The following MOSPD2 variants were observed in gnomAD, a reference collection of about 807,000 sequenced individuals.
The protein encoded by MOSPD2 is motile sperm domain containing 2.
In MOSPD2, 5 loss-of-function variants were observed where a neutral mutation model predicts 41.7. The ratio of observed to expected loss-of-function variants is 0.12; its 90% confidence interval spans 0.06 to 0.25. The LOEUF is 0.25. MOSPD2 is among the 10% of genes least tolerant of loss of function. MOSPD2 has a pLI of 1.00. For missense variants in MOSPD2, 282 were observed against 375.2 expected (o/e 0.75, Z 2.05); for synonymous variants, 115 against 126.9 (o/e 0.91, Z 0.63).
At chrX:14,885,421 A>G (rs1452289468) in intron 2 of MOSPD2, 2 of 112,239 alleles carry the variant, frequency 1.8e-5, no homozygotes, top group African/African-American at 6.5e-5. Flanking sequence ...CCGTGGGTTA[A>G]AGAGGACATC....
chrX:14,910,002 T>A (rs1182513336), intron 8 of MOSPD2, among the ~76,000 whole-genome samples: 1 of 111,006 alleles, frequency 9.0e-6, no homozygotes. Context: ...ATAATTAATA[T>A]AATTCATAAC....
At chrX:14,901,147 G>A (rs1040446337) in intron 6 of MOSPD2, among the ~76,000 whole-genome samples, 3 of 111,553 alleles carry the variant, frequency 2.7e-5, no homozygotes, top group African/African-American at 9.8e-5. Context: ...ATTTGAATCT[G>A]GCATTTGGAG....
In MOSPD2 at chrX:14,873,452, C is replaced by T; in HGVS notation, c.-77C>T. 8.4e-7 allele frequency: 1 copy of T among 1,196,497 alleles called. No individual in the cohort carries two copies. The highest frequency in any genetic ancestry group is 1.1e-6 in the Non-Finnish European group (1 of 881,965). On this transcript the variant is annotated 5_prime_UTR_variant, in exon 1 of 15. Transcript: ENST00000380492. ...CTCTGTCTACCTCTGGGCGGGACTG[C>T]CGGGTGATGAGATACTCGGTCGGCG...
chrX:14,873,614 G>C, intron 1 of MOSPD2, 75 bp from the exon 2 acceptor site: 1 of 1,203,662 alleles, frequency 8.3e-7, no homozygotes, highest in Non-Finnish European at 1.1e-6. Flanking sequence ...GAGCGCCCGT[G>C]TGCAGGTGGG....
At chrX:14,874,763 C>T (rs1452935202) in intron 2 of MOSPD2, among the ~76,000 whole-genome samples, 2 of 111,253 alleles carry the variant, frequency 1.8e-5, no homozygotes, top group African/African-American at 6.6e-5. Flanking sequence ...ATATGGAAAT[C>T]GGTTTCAAAT....
intron 3 of MOSPD2, among the ~76,000 whole-genome samples, chrX:14,893,513 A>C (rs1675786381): frequency 8.9e-6 from 1 of 111,862 alleles, no homozygotes; most frequent in Admixed American, 9.5e-5. Context: ...AATGGTCTTC[A>C]AGTATATGAA....
rs1176749718 is a variant in MOSPD2 at position 14,914,085 on chromosome X, C to T, written c.993-418C>T. ...ATCATCTTTCTTTTTAAGTTATGCT[C>T]TTTTCTGTTGGTGTATAGAAATATG... On this transcript the variant is annotated intron_variant, in intron 10 of 14. Transcript: ENST00000380492. 2.7e-5 allele frequency among the ~76,000 whole-genome samples: 3 copies of T among 111,882 alleles called. No homozygotes were observed. In the Admixed American group the frequency reaches 2.9e-4, roughly 11 times the overall value.
chrX:14,874,145 T>A (rs2092514436), intron 2 of MOSPD2: 1 of 191,203 alleles, frequency 5.2e-6, no homozygotes, highest in Non-Finnish European at 9.7e-6. Context: ...ATAATACTAT[T>A]GATGTGTACT....
intron 2 of MOSPD2, among the ~76,000 whole-genome samples, chrX:14,890,054 T>C (rs1373304253): frequency 8.9e-6 from 1 of 112,044 alleles, no homozygotes; most frequent in Non-Finnish European, 1.9e-5. Context: ...TTCATAATAA[T>C]GCTAAGATAT....
intron 6 of MOSPD2, among the ~76,000 whole-genome samples, chrX:14,902,617 C>G (rs5934198): frequency 0.2 from 22,675 of 111,036 alleles, 2,095 homozygotes; most frequent in Non-Finnish European, 0.29. Flanking sequence ...ATGCCACATC[C>G]AAAAACTCCA....
chrX:14,889,679 G>C (rs2092550080), intron 2 of MOSPD2, among the ~76,000 whole-genome samples: 1 of 110,568 alleles, frequency 9.0e-6, no homozygotes, highest in Middle Eastern at 4.6e-3. Flanking sequence ...ATTTCTATTT[G>C]TCTAGGGGTA....
chrX:14,891,301 A>G (rs550570860), intron 2 of MOSPD2, among the ~76,000 whole-genome samples: 4 of 111,941 alleles, frequency 3.6e-5, no homozygotes, highest in African/African-American at 9.7e-5. Context: ...TTACAGAATA[A>G]TAAAGCAGGG....
intron 7 of MOSPD2, among the ~76,000 whole-genome samples, chrX:14,905,143 C>T (rs1399138281): frequency 9.0e-6 from 1 of 111,415 alleles, no homozygotes; most frequent in African/African-American, 3.3e-5. Flanking sequence ...CTATGAAAAC[C>T]CACAGCTAAC....
rs763005430 is a variant in MOSPD2, at chrX:14,918,800, C to T, written c.1419+18C>T. 4.8e-5 allele frequency: 49 copies of T among 1,023,925 alleles called. No homozygotes were observed. In the South Asian group the frequency reaches 8.8e-4, roughly 18 times the overall value. The allele number at this position is 1,023,925 out of a possible 1,213,427, so 84.4% of individuals were successfully genotyped here. A position where few individuals can be genotyped will look rare whatever the true frequency, so the allele number is the denominator to read the frequency against. On this transcript the variant is annotated intron_variant, in intron 14 of 14. Transcript: ENST00000380492. ...GTCTACAAGTAAGTATACTTTCTTC[C>T]TACCCAAACAAAGTTGTTAATGCTG... is the stretch of plus-strand genomic sequence containing the variant.
Position 14,902,966 on chromosome X carries a change from C to A in MOSPD2, c.539C>A (p.Ser180Ter). The change falls in exon 7 of 15, where the codon TCA (serine) becomes TAA (stop). Residue 180 changes from serine to a stop codon, truncating the protein, a stop_gained and splice_region_variant. Coordinates refer to ENST00000380492, the MANE Select transcript of MOSPD2 (RefSeq NM_152581.4). LOFTEE classifies it high-confidence loss of function. ...CAATGAATTTTTTTTCATCTTTCAG[C>A]AAAAATAGTGATCTTTGATATGCCT... Reference protein sequence around the residue: ...CFKVYYPKYLSKIVIFDMPWL... With the variant: ...CFKVYYPKYL 8.6e-7 allele frequency: 1 copy of A among 1,157,124 alleles called. No individual in the cohort carries two copies. The highest frequency in any genetic ancestry group is 1.2e-6 in the Non-Finnish European group (1 of 847,367).
At chrX:14,881,904 T>C (rs978177257) in intron 2 of MOSPD2, among the ~76,000 whole-genome samples, 51 of 110,070 alleles carry the variant, frequency 4.6e-4, no homozygotes, top group Admixed American at 7.7e-4. Flanking sequence ...GAGCAAACTA[T>C]GGCAAGGACA....
intron 2 of MOSPD2, chrX:14,885,176 T>G (rs1029515122): frequency 3.6e-5 from 4 of 111,904 alleles, no homozygotes; most frequent in Non-Finnish European, 3.8e-5. Context: ...ATTTGTACTT[T>G]CAGAGCTTTT....
intron 10 of MOSPD2, 81 bp downstream of exon 10, chrX:14,912,442 T>A (rs1647640005): frequency 3.1e-6 from 2 of 645,440 alleles, no homozygotes; most frequent in Admixed American, 8.2e-5. Flanking sequence ...TAAGAAAACT[T>A]CTATTTGGTT....
chrX:14,890,920 G>GT (rs1210662172), intron 2 of MOSPD2, among the ~76,000 whole-genome samples: 2 of 111,831 alleles, frequency 1.8e-5, no homozygotes, highest in African/African-American at 3.3e-5. Flanking sequence ...GTTTTCTTTT[G>GT]TTTTTTGTAT....
Sources: gnomAD v4.1 joint callset for allele counts (sites outside exome capture counted in the v4.1 genomes callset) on GRCh38, gnomAD v4.1.1 for gene constraint, MANE v1.5 for transcripts, NCBI Gene and HGNC (gene_info 2026-07-23, HGNC 2026-07-21) for gene names.